The following UBAC2 variants were observed in gnomAD, a reference collection of about 807,000 sequenced individuals.
UBAC2 encodes the protein ubiquitin-associated domain-containing protein 2.
UBAC2 carries 26 observed loss-of-function variants against 44.0 expected under a neutral mutation model. That is an observed-to-expected ratio of 0.59 (90% CI 0.43 to 0.82). The LOEUF (loss-of-function observed/expected upper bound fraction) is 0.82. Among genes scored for constraint, UBAC2 ranks in the 40% least tolerant of loss-of-function variants. The pLI is 0.00. For synonymous variants in UBAC2, 155 were observed against 154.3 expected, an observed-to-expected ratio of 1.00 and a Z score of -0.04; for missense variants, 329 against 419.4, an observed-to-expected ratio of 0.78 and a Z score of 1.88.
At chr13:99,353,915 G>C (rs899528121) in intron 7 of UBAC2, among the ~76,000 whole-genome samples, 3 of 152,218 alleles carry the variant, frequency 2.0e-5, no homozygotes, top group African/African-American at 7.2e-5. Flanking sequence ...GTTTTGTGGA[G>C]AAAGCAGCCA....
At chr13:99,214,048 A>G (rs190129103) in intron 1 of UBAC2, among the ~76,000 whole-genome samples, 86 of 152,070 alleles carry the variant, frequency 5.7e-4, no homozygotes, top group Non-Finnish European at 8.4e-4. Flanking sequence ...CGAACTCCCA[A>G]CCTCAAGTGA....
At chr13:99,358,609 A>G (rs1326832342) in intron 7 of UBAC2, among the ~76,000 whole-genome samples, 1 of 152,226 alleles carries the variant, frequency 6.6e-6, no homozygotes, top group East Asian at 1.9e-4. Flanking sequence ...ATGAGGAGCC[A>G]GCAAAGGGTT....
chr13:99,242,635 G>GCCCCCCCC, intron 2 of UBAC2, among the ~76,000 whole-genome samples: 1 of 96,132 alleles, frequency 1.0e-5, no homozygotes, highest in African/African-American at 4.0e-5. Context: ...GCGGGGGGCT[G>GCCCCCCCC]ACCCCCCCAC....
chr13:99,373,172 T>G (rs12858044), intron 8 of UBAC2, among the ~76,000 whole-genome samples: 1 of 12,456 alleles, frequency 8.0e-5, no homozygotes, highest in South Asian at 2.2e-3. Context: ...TTTTTTATTG[T>G]TTTTTTTTTT....
intron 5 of UBAC2, among the ~76,000 whole-genome samples, chr13:99,315,865 T>G (rs1007038223): frequency 6.6e-6 from 1 of 152,132 alleles, no homozygotes; most frequent in Non-Finnish European, 1.5e-5. Flanking sequence ...AAAGGGGGTC[T>G]TAGTTGGATG....
At chr13:99,374,695 T>C (rs2045457031) in intron 8 of UBAC2, among the ~76,000 whole-genome samples, 1 of 152,174 alleles carries the variant, frequency 6.6e-6, no homozygotes, top group Admixed American at 6.5e-5. Context: ...GGCTCTAATA[T>C]TTATTGGTTT....
At chr13:99,234,195 T>TC (rs1389084281) in intron 1 of UBAC2, among the ~76,000 whole-genome samples, 2 of 137,636 alleles carry the variant, frequency 1.5e-5, no homozygotes, top group Non-Finnish European at 3.1e-5. Context: ...TTTTTTTTTT[T>TC]TTTTTGAGAT....
At chr13:99,288,537 C>T (rs1172393924) in intron 4 of UBAC2, among the ~76,000 whole-genome samples, 1 of 152,208 alleles carries the variant, frequency 6.6e-6, no homozygotes, top group African/African-American at 2.4e-5. Context: ...GGATTTCTCT[C>T]CATTTGGATA....
intron 1 of UBAC2, among the ~76,000 whole-genome samples, chr13:99,227,426 A>T (rs2043123495): frequency 1.3e-5 from 2 of 152,130 alleles, no homozygotes; most frequent in Admixed American, 1.3e-4. Context: ...AAAGAACAAG[A>T]ATGATTCCCT....
chr13:99,201,423 C>T (rs371621046), intron 1 of UBAC2: 42 of 1,612,760 alleles, frequency 2.6e-5, no homozygotes, highest in East Asian at 4.5e-5. Flanking sequence ...TGTGTTTCTT[C>T]TTCAGTCTCC....
Position 99,244,936 on chromosome 13 carries a change from G to A in UBAC2, c.389+312G>A, listed in dbSNP as rs112342415. 1.0e-2 allele frequency among the ~76,000 whole-genome samples: 1,514 copies of A among 151,894 alleles called. 29 individuals carry two copies. Among genetic ancestry groups the A allele is most frequent in the African/African-American group, 0.035 (1,465 of 41,424 alleles). Reference sequence around the variant, plus strand: ...CAACCTCCGCCTCCCGGGTTCAAGCGATTCTCCTGCCTCAGCCTCCCAAGT... The same window carrying A: ...CAACCTCCGCCTCCCGGGTTCAAGCAATTCTCCTGCCTCAGCCTCCCAAGT... On this transcript the variant is annotated intron_variant, in intron 4 of 8. Coordinates refer to ENST00000403766, the MANE Select transcript of UBAC2 (RefSeq NM_001144072.2).
chr13:99,217,086 C>T (rs778884457), intron 1 of UBAC2, among the ~76,000 whole-genome samples: 2 of 152,184 alleles, frequency 1.3e-5, no homozygotes, highest in Non-Finnish European at 2.9e-5. Flanking sequence ...CTGCCTCGGC[C>T]TCCCAAAGTG....
intron 4 of UBAC2, among the ~76,000 whole-genome samples, chr13:99,247,196 T>G (rs59832604): frequency 0.21 from 12,147 of 58,860 alleles, 570 homozygotes; most frequent in Middle Eastern, 0.28. Context: ...AAAACTACTG[T>G]TTTTTTTTTT....
chr13:99,296,509 T>C (rs1174756041), intron 4 of UBAC2, among the ~76,000 whole-genome samples: 1 of 152,190 alleles, frequency 6.6e-6, no homozygotes, highest in African/African-American at 2.4e-5. Context: ...CCCCTTCCCT[T>C]TTTTGAATCA....
chr13:99,355,241 G>A (rs929538403), intron 7 of UBAC2, among the ~76,000 whole-genome samples: 18 of 152,076 alleles, frequency 1.2e-4, no homozygotes, highest in African/African-American at 4.3e-4. Flanking sequence ...ATGCTGGGAA[G>A]GAAAAAATGA....
chr13:99,365,760 C>T (rs1030135959), intron 7 of UBAC2, among the ~76,000 whole-genome samples: 1 of 151,942 alleles, frequency 6.6e-6, no homozygotes, highest in East Asian at 1.9e-4. Context: ...GTATATATGT[C>T]CATTCAGAAA....
chr13:99,303,429 C>T (rs2044284748), intron 4 of UBAC2, among the ~76,000 whole-genome samples: 1 of 152,184 alleles, frequency 6.6e-6, no homozygotes, highest in Non-Finnish European at 1.5e-5. Context: ...TTTCTTTCAC[C>T]TTTCACTGGT....
intron 4 of UBAC2, among the ~76,000 whole-genome samples, chr13:99,312,320 C>CT (rs953784379): frequency 6.6e-5 from 10 of 151,946 alleles, no homozygotes; most frequent in African/African-American, 2.2e-4. Context: ...TGAAATAATT[C>CT]TTTTTTTTCT....
chr13:99,273,571 CTACCTCTTAAGGTAGG>C (rs1352052850), intron 4 of UBAC2, among the ~76,000 whole-genome samples: 4 of 152,054 alleles, frequency 2.6e-5, no homozygotes, highest in Non-Finnish European at 2.9e-5. Flanking sequence ...TGGTAGGTAC[CTACCTCTTAAGGTAGG>C]TACCTTGCAG....
Sources: gnomAD v4.1 joint callset for allele counts (sites outside exome capture counted in the v4.1 genomes callset) on GRCh38, gnomAD v4.1.1 for gene constraint, MANE v1.5 for transcripts, NCBI Gene and HGNC (gene_info 2026-07-23, HGNC 2026-07-21) for gene names.